RNF212B: variants seen among roughly 807,000 people sequenced by gnomAD.
RNF212B encodes ring finger protein 212B, also known as E3 ubiquitin-protein ligase RNF212B.
A neutral mutation model predicts 55.5 loss-of-function variants in RNF212B; 52 were observed. The observed-to-expected ratio is 0.94, with a 90% CI of 0.75 to 1.18. The LOEUF is 1.18. RNF212B is among the 50% of genes most tolerant of loss of function. The pLI is 0.00. For missense variants in RNF212B, 289 were observed against 350.4 expected (o/e 0.82, Z 1.40); for synonymous variants, 99 against 121.4 (o/e 0.82, Z 1.21).
Position 23,232,784 on chromosome 14 carries a change from T to TTG in RNF212B, c.-1-7561_-1-7560insTG, listed in dbSNP as rs1882792419. Among the ~76,000 whole-genome samples the TTG allele has an allele frequency of 8.3e-5, 8 of 96,538 alleles. No homozygotes were observed. In the South Asian group the frequency reaches 2.0e-3, roughly 24 times the overall value. 63.3% of individuals were successfully genotyped at this position (96,538 alleles called of 152,430 possible). On this transcript the variant is annotated intron_variant, in intron 2 of 15. Transcript: ENST00000399910. The stretch of plus-strand genomic sequence containing the variant: ...CCAGCCGCCCCGTCTGGGAGGGAGG[T>TTG]GGGGGGGGGGTCAGCCTCTGCCCGG...
intron 2 of RNF212B, among the ~76,000 whole-genome samples, chr14:23,197,782 T>C (rs1210255333): frequency 1.9e-5 from 1 of 51,366 alleles, no homozygotes; most frequent in Non-Finnish European, 3.4e-5. Context: ...TTGTCTTCTT[T>C]TTTTTTTTTT....
chr14:23,198,088 C>T (rs1566389345), intron 2 of RNF212B, among the ~76,000 whole-genome samples: 1 of 152,188 alleles, frequency 6.6e-6, no homozygotes, highest in African/African-American at 2.4e-5. Flanking sequence ...TCAGTTACTT[C>T]AGGCCATCTG....
chr14:23,226,575 G>A (rs574808555), intron 2 of RNF212B, among the ~76,000 whole-genome samples: 2 of 152,112 alleles, frequency 1.3e-5, no homozygotes, highest in Admixed American at 6.5e-5. Context: ...AGCTTGCAGT[G>A]AGCCGAGATC....
At chr14:23,272,140 A>G (rs1220921393) in intron 14 of RNF212B, among the ~76,000 whole-genome samples, 3 of 152,122 alleles carry the variant, frequency 2.0e-5, no homozygotes, top group African/African-American at 7.2e-5. Context: ...AATGTGGGCC[A>G]GGCGTGGTGG....
At chr14:23,247,366 A>G (rs1440351256) in intron 4 of RNF212B, among the ~76,000 whole-genome samples, 2 of 152,028 alleles carry the variant, frequency 1.3e-5, no homozygotes, top group Non-Finnish European at 2.9e-5. Context: ...CATTTTCATC[A>G]CCCCAGAAAG....
At chr14:23,242,633 A>G (rs1883681196) in intron 2 of RNF212B, among the ~76,000 whole-genome samples, 1 of 152,046 alleles carries the variant, frequency 6.6e-6, no homozygotes, top group African/African-American at 2.4e-5. Flanking sequence ...GGAGTTTAGA[A>G]TTGTCCCTTC....
intron 1 of RNF212B, among the ~76,000 whole-genome samples, chr14:23,186,427 G>A (rs1175080310): frequency 6.6e-6 from 1 of 150,868 alleles, no homozygotes; most frequent in African/African-American, 2.4e-5. Flanking sequence ...TCGGCTCACT[G>A]CAACCTCTGG....
At chr14:23,232,427 T>A (rs1384805585) in intron 2 of RNF212B, among the ~76,000 whole-genome samples, 1 of 148,298 alleles carries the variant, frequency 6.7e-6, no homozygotes, top group Non-Finnish European at 1.5e-5. Flanking sequence ...GTCTGAGAAG[T>A]GAGGAGCGCC....
chr14:23,232,961 T>C (rs1325427644), upstream of RNF212B, among the ~76,000 whole-genome samples: 1 of 152,138 alleles, frequency 6.6e-6, no homozygotes, highest in Non-Finnish European at 1.5e-5. Flanking sequence ...TTTTGTGGAA[T>C]AGAAAAGGGG....
At chr14:23,228,938 A>G (rs193275865) in intron 2 of RNF212B, among the ~76,000 whole-genome samples, 1 of 152,140 alleles carries the variant, frequency 6.6e-6, no homozygotes, top group East Asian at 1.9e-4. Context: ...TACATTCACA[A>G]TGTTGTACAA....
chr14:23,197,458 C>A (rs145441464), intron 2 of RNF212B, among the ~76,000 whole-genome samples: 2 of 152,080 alleles, frequency 1.3e-5, no homozygotes, highest in African/African-American at 4.8e-5. Flanking sequence ...ACCCGGGAGG[C>A]GGAGGTTGCA....
chr14:23,211,835 G>A (rs1455871382), intron 2 of RNF212B, among the ~76,000 whole-genome samples: 1 of 152,100 alleles, frequency 6.6e-6, no homozygotes. Context: ...CATTTCTCTC[G>A]CCTCAGTCTC....
At chr14:23,212,515 T>C (rs1373187487) in intron 2 of RNF212B, among the ~76,000 whole-genome samples, 1 of 152,146 alleles carries the variant, frequency 6.6e-6, no homozygotes, top group Non-Finnish European at 1.5e-5. Context: ...GTTGTACTTC[T>C]ACACAATAAG....
At chr14:23,240,229 T>C (rs780528571) in intron 1 of RNF212B, 116 bp from the exon 2 acceptor site, 21 of 656,772 alleles carry the variant, frequency 3.2e-5, no homozygotes, top group Non-Finnish European at 5.3e-5. Context: ...CACAATGATA[T>C]GCCACATCCC....
chr14:23,217,828 G>A (rs1881234173), intron 2 of RNF212B, among the ~76,000 whole-genome samples: 1 of 151,984 alleles, frequency 6.6e-6, no homozygotes, highest in Admixed American at 6.6e-5. Flanking sequence ...CTCAGACACT[G>A]ATGAACATCT....
chr14:23,264,053 G>A, intron 9 of RNF212B, 121 bp from the exon 10 acceptor site: 1 of 697,988 alleles, frequency 1.4e-6, no homozygotes, highest in Non-Finnish European at 2.4e-6. Context: ...GTGCCATTGT[G>A]CTCTAGCCTG....
At chr14:23,220,066 C>A (rs1275679876) in intron 2 of RNF212B, among the ~76,000 whole-genome samples, 4 of 151,926 alleles carry the variant, frequency 2.6e-5, no homozygotes, top group Non-Finnish European at 5.9e-5. Context: ...TGCCTGTAAT[C>A]CCAGCTACTC....
At chr14:23,257,372 T>G (rs1884922627) in intron 4 of RNF212B, among the ~76,000 whole-genome samples, 1 of 143,008 alleles carries the variant, frequency 7.0e-6, no homozygotes, top group Non-Finnish European at 1.5e-5. Context: ...TTAGTTTTAT[T>G]AAAAATGAGG....
upstream of RNF212B, among the ~76,000 whole-genome samples, chr14:23,236,617 A>T (rs1281339555): frequency 6.6e-6 from 1 of 152,226 alleles, no homozygotes; most frequent in Non-Finnish European, 1.5e-5. Flanking sequence ...AATAATATTT[A>T]AAAATTTCAA....
Sources: allele counts gnomAD v4.1 joint callset (sites outside exome capture counted in the v4.1 genomes callset), GRCh38; gene constraint gnomAD v4.1.1; transcripts MANE v1.5; gene names NCBI Gene and HGNC (gene_info 2026-07-23, HGNC 2026-07-21).